P3H2: variants seen among roughly 807,000 people sequenced by gnomAD.
The protein encoded by P3H2 is prolyl 3-hydroxylase 2.
Under a neutral mutation model 87.0 loss-of-function variants are expected in P3H2, and 80 were observed. The ratio of observed to expected loss-of-function variants is 0.92; its 90% CI spans 0.77 to 1.11. The LOEUF is 1.11. Among genes scored for constraint, P3H2 ranks in the 50% least tolerant of loss-of-function variants. The probability of loss-of-function intolerance (pLI) is 0.00; values close to 1 mark genes in which losing one functional copy is unlikely to be tolerated. For synonymous variants in P3H2, 367 were observed against 359.3 expected (o/e 1.02, Z -0.24); for missense variants, 1,001 against 923.9 (o/e 1.08, Z -1.08).
At chr3:189,987,370 T>C (rs1396209686) in intron 5 of P3H2, among the ~76,000 whole-genome samples, 157 bp downstream of exon 5, 1 of 150,478 alleles carries the variant, frequency 6.6e-6, no homozygotes, top group Non-Finnish European at 1.5e-5. Flanking sequence ...TCCCAGCTAC[T>C]AGGGAGGCTG....
upstream of P3H2, chr3:190,121,585 C>G (rs1263125585): frequency 6.6e-6 from 1 of 152,188 alleles, no homozygotes; most frequent in African/African-American, 2.4e-5. Context: ...TGGATCAGGG[C>G]GCTGGGCCAG....
At chr3:189,959,280 G>C (rs1010535172) in intron 14 of P3H2, among the ~76,000 whole-genome samples, 5 of 148,706 alleles carry the variant, frequency 3.4e-5, no homozygotes, top group Non-Finnish European at 1.5e-5. Context: ...TATACTTTAA[G>C]TTTTAGGGTA....
rs1215859437 is a variant in P3H2, at chr3:189,959,258, ATTTT to A, written c.2035-1258_2035-1255del. On this transcript the variant is annotated intron_variant, in intron 14 of 14. Transcript: ENST00000319332. ...TTTTTTTTCTTTTATTTATTTATTTATTTTTTATTATTATACTTTAAGTTTTAGG... is the reference window on the plus strand; with the variant it reads ...TTTTTTTTCTTTTATTTATTTATTTATTATTATTATACTTTAAGTTTTAGG... Among the ~76,000 whole-genome samples the A allele has an allele frequency of 2.3e-4, 29 of 128,764 alleles. 1 individual carries two copies. The highest frequency in any genetic ancestry group is 6.8e-4 in the African/African-American group (23 of 33,662). 84.5% of individuals were successfully genotyped at this position (128,764 alleles called of 152,430 possible).
chr3:190,045,937 T>C (rs149855258), intron 1 of P3H2, among the ~76,000 whole-genome samples: 2,216 of 152,068 alleles, frequency 0.015, 43 homozygotes, highest in African/African-American at 0.041. Flanking sequence ...CTGGCTAACA[T>C]GGTGAAACCC....
At chr3:190,022,797 G>T in intron 1 of P3H2, among the ~76,000 whole-genome samples, 1 of 152,016 alleles carries the variant, frequency 6.6e-6, no homozygotes, top group South Asian at 2.1e-4. Context: ...TTCCGATTAA[G>T]TAAGTCCAAT....
Position 190,041,029 on chromosome 3 carries a change from TATATATATACAC to T in P3H2, c.481-45599_481-45588del, listed in dbSNP as rs1189798031. On this transcript the variant is annotated intron_variant, in intron 1 of 14. Transcript: ENST00000319332. The stretch of plus-strand genomic sequence containing the variant: ...CAAAACCATGGCTCTACTATATATA[TATATATATACAC>T]ACACACACACACACACACACACACA... 1.4e-3 allele frequency among the ~76,000 whole-genome samples: 66 copies of T among 48,312 alleles called. 4 individuals are homozygous for T. In the East Asian group the frequency reaches 0.02, roughly 15 times the overall value. The allele number at this position is 48,312 out of a possible 152,430, so 31.7% of individuals were successfully genotyped here.
At chr3:190,035,303 A>C (rs112821290) in intron 1 of P3H2, among the ~76,000 whole-genome samples, 245 of 152,242 alleles carry the variant, frequency 1.6e-3, no homozygotes, top group African/African-American at 5.8e-3. Flanking sequence ...AACTTTACAA[A>C]AATATTTTAA....
At chr3:190,106,034 A>C (rs1009295821) in intron 1 of P3H2, among the ~76,000 whole-genome samples, 5 of 152,228 alleles carry the variant, frequency 3.3e-5, no homozygotes, top group African/African-American at 1.2e-4. Context: ...CCATGGGTAC[A>C]AGAAATCAGG....
At position 189,956,929 on chromosome 3, in the gene P3H2, T is replaced by A. The variant is rs1577237232; in HGVS notation, c.*983A>T. ...AGGCAACCTGGCCATGGTGCCCGGATGCAGGCAGTATTCAAGAGTTTCTTC... is the reference window on the plus strand; with the variant it reads ...AGGCAACCTGGCCATGGTGCCCGGAAGCAGGCAGTATTCAAGAGTTTCTTC... On this transcript the variant is annotated 3_prime_UTR_variant, in exon 15 of 15. Transcript: ENST00000319332. The A allele has an allele frequency of 2.0e-5, 8 of 394,908 alleles. No individual in the cohort carries two copies. In the East Asian group the frequency reaches 2.9e-4, roughly 14 times the overall value. The allele number at this position is 394,908 out of a possible 1,614,324, so 24.5% of individuals were successfully genotyped here. A position where few individuals can be genotyped will look rare whatever the true frequency, so the allele number is the denominator to read the frequency against.
intron 1 of P3H2, among the ~76,000 whole-genome samples, chr3:190,004,776 A>G (rs1724335871): frequency 6.6e-6 from 1 of 152,164 alleles, no homozygotes; most frequent in African/African-American, 2.4e-5. Context: ...TTGTTGTGAT[A>G]ACACTTGACT....
chr3:189,974,169 T>A (rs1004746231), intron 9 of P3H2, 165 bp from the exon 10 acceptor site: 9 of 643,276 alleles, frequency 1.4e-5, no homozygotes, highest in Middle Eastern at 4.1e-4. Flanking sequence ...AAAAGAGATA[T>A]CTTTATTTAA....
At chr3:190,121,366 T>C (rs1712583516), upstream of P3H2, among the ~76,000 whole-genome samples, 1 of 150,288 alleles carries the variant, frequency 6.7e-6, no homozygotes, top group African/African-American at 2.5e-5. Context: ...AATAAATAAA[T>C]AAATAGAAAA....
chr3:189,993,816 A>C (rs187172305), intron 3 of P3H2, among the ~76,000 whole-genome samples: 238 of 152,184 alleles, frequency 1.6e-3, no homozygotes, highest in African/African-American at 5.1e-3. Context: ...CAAAAGTTGA[A>C]AAACATTATA....
intron 10 of P3H2, among the ~76,000 whole-genome samples, chr3:189,973,507 C>CTTTTTTTTTTTTTTTTTTTTTTTTTTTTT (rs879286759): frequency 2.5e-5 from 2 of 78,990 alleles, no homozygotes; most frequent in African/African-American, 9.4e-5. Context: ...TTCTTTCTTT[C>CTTTTTTTTTTTTTTTTTTTTTTTTTTTTT]TTTCTTTTTT....
At position 190,090,872 on chromosome 3, in the gene P3H2, G is replaced by A. The variant is rs139673198; in HGVS notation, c.480+29380C>T. Among the ~76,000 whole-genome samples the A allele has an allele frequency of 1.4e-3, 219 of 152,138 alleles. 2 individuals are homozygous for A. The East Asian group carries it at 0.037, about 25-fold the overall frequency. The stretch of plus-strand genomic sequence containing the variant: ...GGAATGTTTTACTCCTTTGCAAGAC[G>A]TAACTTCAGTGTCAATTTCTCACAG... On this transcript the variant is annotated intron_variant, in intron 1 of 14. Transcript: ENST00000319332.
At chr3:189,969,254 T>G in intron 13 of P3H2, 5 of 816,976 alleles carry the variant, frequency 6.1e-6, no homozygotes, top group Non-Finnish European at 1.1e-5. Context: ...GCCTCTTTAG[T>G]GAGAACCACC....
chr3:190,029,668 A>G (rs1311488043), intron 1 of P3H2, among the ~76,000 whole-genome samples: 1 of 152,240 alleles, frequency 6.6e-6, no homozygotes, highest in Non-Finnish European at 1.5e-5. Flanking sequence ...AAATTACAGA[A>G]AAGTAGAAGA....
chr3:190,097,023 T>C (rs1380535188), intron 1 of P3H2, among the ~76,000 whole-genome samples: 1 of 152,168 alleles, frequency 6.6e-6, no homozygotes, highest in African/African-American at 2.4e-5. Flanking sequence ...AGGAAACTTC[T>C]CTACTGAGCC....
At chr3:190,028,867 C>T (rs751012739) in intron 1 of P3H2, among the ~76,000 whole-genome samples, 28 of 152,164 alleles carry the variant, frequency 1.8e-4, no homozygotes, top group Non-Finnish European at 3.4e-4. Context: ...TCCTTAAAAG[C>T]CCCAAACATA....
Sources: gnomAD v4.1 joint callset for allele counts (sites outside exome capture counted in the v4.1 genomes callset) on GRCh38, gnomAD v4.1.1 for gene constraint, MANE v1.5 for transcripts, NCBI Gene and HGNC (gene_info 2026-07-23, HGNC 2026-07-21) for gene names.